Variants in HACD1 observed in about 807,000 individuals in gnomAD.
HACD1 encodes 3-hydroxyacyl-CoA dehydratase 1.
In HACD1, 41 loss-of-function variants were observed where a neutral mutation model predicts 32.0. The ratio of observed to expected loss-of-function variants is 1.28; its 90% CI spans 1.00 to 1.66. The LOEUF (loss-of-function observed/expected upper bound fraction) is 1.66, where lower values mean the gene tolerates loss of function less well. Ranked by LOEUF, HACD1 falls within the 40% of genes most tolerant of loss-of-function variation. The pLI is 0.00. For synonymous variants in HACD1, 142 were observed against 139.0 expected (o/e 1.02, Z -0.15); for missense variants, 396 against 380.1 (o/e 1.04, Z -0.35).
At chr10:17,603,891 T>C (rs782157058) in intron 2 of HACD1, 39 bp downstream of exon 2, 13 of 1,526,006 alleles carry the variant, frequency 8.5e-6, no homozygotes, top group Admixed American at 1.7e-5. Flanking sequence ...TTCACATAAA[T>C]ATTACAGCAA....
At chr10:17,617,049 G>C (rs1470856357) in intron 1 of HACD1, 34 bp downstream of exon 1, 19 of 1,400,682 alleles carry the variant, frequency 1.4e-5, no homozygotes, top group Non-Finnish European at 1.8e-5. Flanking sequence ...CCGCGGCGCG[G>C]GGAGGGCCCG....
chr10:17,591,029 T>C (rs2131500627), intron 6 of HACD1, among the ~76,000 whole-genome samples: 1 of 152,276 alleles, frequency 6.6e-6, no homozygotes, highest in East Asian at 1.9e-4. Context: ...ACCTTCATAA[T>C]GACCTGGAAG....
At chr10:17,595,770 A>G (rs964310375) in intron 5 of HACD1, among the ~76,000 whole-genome samples, 2 of 152,112 alleles carry the variant, frequency 1.3e-5, no homozygotes, top group Non-Finnish European at 2.9e-5. Flanking sequence ...CAGAAAACTT[A>G]AGAGGCCAGA....
At chr10:17,604,109 G>T in intron 1 of HACD1, 62 bp from the exon 2 acceptor site, 1 of 1,183,518 alleles carries the variant, frequency 8.4e-7, no homozygotes, top group Non-Finnish European at 1.2e-6. Context: ...TTATACATTT[G>T]TGTTTACAGC....
intron 5 of HACD1, 175 bp downstream of exon 5, chr10:17,599,115 T>A: frequency 2.6e-6 from 3 of 1,174,764 alleles, no homozygotes; most frequent in Non-Finnish European, 3.3e-6. Context: ...TCTCTCATCA[T>A]TAAGCTTTTA....
rs782549073 is a variant in HACD1 at position 17,603,954 on chromosome 10, A to C, written c.351T>G (p.Phe117Leu). 1.2e-6 allele frequency: 2 copies of C among 1,610,578 alleles called. No homozygotes were observed. The highest frequency in any genetic ancestry group is 1.7e-5 in the Admixed American group (1 of 59,748). Residue 117 changes from phenylalanine (F) to leucine (L), a missense_variant, in exon 2 of 7, where the codon TTT becomes TTG. Coordinates refer to ENST00000361271, the MANE Select transcript of HACD1 (RefSeq NM_014241.4). ...CCTCAAGCAAGGCAAATGTCTGGAA[A>C]AATTTAAGTGTCTTCTGAATACTTT... ...LYKSIQKTLK[F>L]FQTFALLEIV...
intron 5 of HACD1, among the ~76,000 whole-genome samples, chr10:17,597,866 A>C (rs1215211022): frequency 2.0e-5 from 3 of 152,190 alleles, no homozygotes; most frequent in Non-Finnish European, 2.9e-5. Context: ...CAGACAAGAC[A>C]CTTAAGCTCA....
At chr10:17,612,978 T>G (rs1369584635) in intron 1 of HACD1, among the ~76,000 whole-genome samples, 1 of 151,768 alleles carries the variant, frequency 6.6e-6, no homozygotes, top group African/African-American at 2.4e-5. Context: ...AATATTCATA[T>G]GAAAGATAAA....
Position 17,594,299 on chromosome 10 carries a change from T to TG in HACD1, c.689_690insC (p.Lys230AsnfsTer11). 6.2e-7 allele frequency: 1 copy of TG among 1,605,256 alleles called. No homozygotes were observed. The highest frequency in any genetic ancestry group is 8.5e-7 in the Non-Finnish European group (1 of 1,175,200). On this transcript the variant is annotated frameshift_variant, in exon 6 of 7. Coordinates refer to ENST00000361271, the MANE Select transcript of HACD1 (RefSeq NM_014241.4). LOFTEE classifies it high-confidence loss of function. ...GAAGTCTTATTGAAAACATTCCTGT[T>TG]TTCTTCACATGCGGCAAGGCAGCGT...
chr10:17,597,570 A>G (rs12774136), intron 5 of HACD1, among the ~76,000 whole-genome samples: 96,812 of 152,156 alleles, frequency 0.64, 31,300 homozygotes, highest in African/African-American at 0.76. Context: ...CTAATGTGCC[A>G]ACCTCAGGAA....
chr10:17,593,879 G>A (rs180840622), intron 6 of HACD1, among the ~76,000 whole-genome samples: 227 of 152,172 alleles, frequency 1.5e-3, no homozygotes, highest in Non-Finnish European at 2.7e-3. Flanking sequence ...AATTCTAAAT[G>A]CTTGTAAAAA....
intron 6 of HACD1, among the ~76,000 whole-genome samples, chr10:17,590,738 C>T (rs1833918364): frequency 6.6e-6 from 1 of 152,160 alleles, no homozygotes. Flanking sequence ...GTAGCATGAT[C>T]TCAGCTCACT....
At chr10:17,593,451 G>C (rs55987537) in intron 6 of HACD1, among the ~76,000 whole-genome samples, 3 of 152,086 alleles carry the variant, frequency 2.0e-5, no homozygotes, top group Admixed American at 2.0e-4. Context: ...GAGTAGCTGA[G>C]ATTACAGGCA....
At chr10:17,609,185 T>A (rs1215019977) in intron 1 of HACD1, among the ~76,000 whole-genome samples, 1 of 149,760 alleles carries the variant, frequency 6.7e-6, no homozygotes, top group Non-Finnish European at 1.5e-5. Context: ...GACAGAGTCT[T>A]GCTCTGTCAC....
At chr10:17,608,900 C>T (rs1280216648) in intron 1 of HACD1, among the ~76,000 whole-genome samples, 1 of 152,120 alleles carries the variant, frequency 6.6e-6, no homozygotes, top group South Asian at 2.1e-4. Flanking sequence ...CACCAGCACT[C>T]ATGCCAATAA....
rs1225113620 is a variant in HACD1 at position 17,594,193 on chromosome 10, G to A, written c.784+12C>T. On this transcript the variant is annotated intron_variant, in intron 6 of 6. Transcript: ENST00000361271. Reference sequence around the variant, plus strand: ...ATATGTCAAATCAAAGTACTAATAAGTATATACTTACAAGGTATATATGAT... The same window carrying A: ...ATATGTCAAATCAAAGTACTAATAAATATATACTTACAAGGTATATATGAT... The A allele has an allele frequency of 6.9e-7, 1 of 1,444,854 alleles. No individual in the cohort carries two copies. Among genetic ancestry groups the A allele is most frequent in the Non-Finnish European group, 9.2e-7 (1 of 1,083,520 alleles). 89.5% of individuals were successfully genotyped at this position (1,444,854 alleles called of 1,614,324 possible). A position where few individuals can be genotyped will look rare whatever the true frequency, so the allele number is the denominator to read the frequency against.
In HACD1 at chr10:17,616,991, G is replaced by GC. The variant is rs557431679; in HGVS notation, c.257+91dup. ...CACGGCCGCTGCCCGCACCCCCCGC[G>GC]CCCCTTACACCCCGGCCCGCGCCCC... On this transcript the variant is annotated intron_variant, in intron 1 of 6. Coordinates refer to ENST00000361271, the MANE Select transcript of HACD1 (RefSeq NM_014241.4). 122 of 1,206,572 alleles carry GC rather than the reference G, an allele frequency of 1.0e-4. 1 individual carries two copies. In the East Asian group the frequency reaches 4.0e-3, roughly 39 times the overall value. The allele number at this position is 1,206,572 out of a possible 1,614,324, so 74.7% of individuals were successfully genotyped here.
At position 17,604,073 on chromosome 10, in the gene HACD1, G is replaced by C. The variant is rs1834109989; in HGVS notation, c.258-26C>G. On this transcript the variant is annotated intron_variant, in intron 1 of 6. Coordinates refer to ENST00000361271, the MANE Select transcript of HACD1 (RefSeq NM_014241.4). Reference sequence around the variant, plus strand: ...CTAAAAAAAAAAAGTATTTCATAAAGTTCTTTCGAACTTAATACCACTGAT... The same window carrying C: ...CTAAAAAAAAAAAGTATTTCATAAACTTCTTTCGAACTTAATACCACTGAT... 3.5e-6 allele frequency: 5 copies of C among 1,445,092 alleles called. No individual in the cohort carries two copies. In the East Asian group the frequency reaches 1.1e-4, roughly 33 times the overall value. The allele number at this position is 1,445,092 out of a possible 1,614,324, so 89.5% of individuals were successfully genotyped here.
Position 17,604,065 on chromosome 10 carries a change from T to C in HACD1, c.258-18A>G. ...CCAACCACCTAAAAAAAAAAAGTATTTCATAAAGTTCTTTCGAACTTAATA... is the reference window on the plus strand; with the variant it reads ...CCAACCACCTAAAAAAAAAAAGTATCTCATAAAGTTCTTTCGAACTTAATA... On this transcript the variant is annotated intron_variant, in intron 1 of 6. Transcript: ENST00000361271. 1 of 1,461,510 alleles carries C rather than the reference T, an allele frequency of 6.8e-7. No individual in the cohort carries two copies. The highest frequency in any genetic ancestry group is 9.3e-7 in the Non-Finnish European group (1 of 1,069,904). The allele number at this position is 1,461,510 out of a possible 1,614,324, so 90.5% of individuals were successfully genotyped here. A position where few individuals can be genotyped will look rare whatever the true frequency, so the allele number is the denominator to read the frequency against.
Sources: allele counts gnomAD v4.1 joint callset (sites outside exome capture counted in the v4.1 genomes callset), GRCh38; gene constraint gnomAD v4.1.1; transcripts MANE v1.5; gene names NCBI Gene and HGNC (gene_info 2026-07-23, HGNC 2026-07-21).